Variants in FRAS1 observed in about 807,000 individuals in gnomAD.
FRAS1 encodes the protein extracellular matrix organizing protein FRAS1.
In FRAS1, 290 loss-of-function variants were observed where a neutral mutation model predicts 435.2. That is an observed-to-expected ratio of 0.67 (90% CI 0.61 to 0.73). FRAS1 has a LOEUF of 0.73. Among genes scored for constraint, FRAS1 ranks in the 30% least tolerant of loss-of-function variants. FRAS1 has a pLI of 0.00. For synonymous variants in FRAS1, 1,800 were observed against 1,851.0 expected, an observed-to-expected ratio of 0.97 and a Z score of 0.71; for missense variants, 4,860 against 5,001.5, an observed-to-expected ratio of 0.97 and a Z score of 0.85.
At chr4:78,336,742 G>A (rs1716890947) in intron 19 of FRAS1, among the ~76,000 whole-genome samples, 1 of 152,050 alleles carries the variant, frequency 6.6e-6, no homozygotes, top group South Asian at 2.1e-4. Flanking sequence ...CCAGCCACGT[G>A]CCAGGAGGGA....
chr4:78,141,166 G>A (rs1360875887), intron 2 of FRAS1, among the ~76,000 whole-genome samples: 1 of 152,150 alleles, frequency 6.6e-6, no homozygotes, highest in East Asian at 1.9e-4. Context: ...ATCTACATTA[G>A]GTATTTCTCC....
rs374045395 is a variant in FRAS1, at chr4:78,278,663, A to G, written c.990A>G (p.Glu330=). Residue 330 remains glutamate, a synonymous_variant, in exon 10 of 74, where the codon GAA becomes GAG. Coordinates refer to ENST00000512123, the MANE Select transcript of FRAS1 (RefSeq NM_025074.7). ...CAKVECARDE[E]LIHLDGKCCP... ...AACCCTTATTTCTACAGGATGAAGA[A>G]TTAATTCACTTAGATGGAAAGTGTT... The G allele has an allele frequency of 3.2e-4, 512 of 1,587,944 alleles. No individual in the cohort carries two copies. Among genetic ancestry groups the G allele is most frequent in the Non-Finnish European group, 4.3e-4 (496 of 1,156,368 alleles).
At chr4:78,476,169 G>A (rs985484930) in intron 54 of FRAS1, among the ~76,000 whole-genome samples, 4 of 152,184 alleles carry the variant, frequency 2.6e-5, no homozygotes, top group Non-Finnish European at 5.9e-5. Flanking sequence ...AAGAGGAGCC[G>A]GTTGGGCAAG....
At position 78,475,514 on chromosome 4, in the gene FRAS1, G is replaced by A. The variant is rs373757948; in HGVS notation, c.7759G>A (p.Val2587Ile). 1.6e-5 allele frequency: 26 copies of A among 1,613,776 alleles called. No homozygotes were observed. Among genetic ancestry groups the A allele is most frequent in the East Asian group, 1.1e-4 (5 of 44,876 alleles). The change falls in exon 54 of 74, where the codon GTC becomes ATC. Residue 2587 changes from valine (V) to isoleucine (I), a missense_variant. Transcript: ENST00000512123. ...RTGNLNQYAI[V>I]LCRTEQGTAS... ...TGGGAACCTGAACCAATATGCCATC[G>A]TCCTGTGTCGCACCGAGCAAGGCAC... is the stretch of plus-strand genomic sequence containing the variant.
At chr4:78,469,498 A>T (rs1198487895) in intron 50 of FRAS1, among the ~76,000 whole-genome samples, 1 of 152,226 alleles carries the variant, frequency 6.6e-6, no homozygotes, top group African/African-American at 2.4e-5. Context: ...AAAAAAGAAA[A>T]TATCTTCCCA....
chr4:78,402,970 T>A (rs954432762), intron 30 of FRAS1, among the ~76,000 whole-genome samples: 1 of 152,174 alleles, frequency 6.6e-6, no homozygotes, highest in Non-Finnish European at 1.5e-5. Flanking sequence ...CACTGCGTCT[T>A]ATGACAGGTG....
intron 41 of FRAS1, among the ~76,000 whole-genome samples, chr4:78,444,610 C>T (rs1718730258): frequency 1.3e-5 from 2 of 152,216 alleles, no homozygotes; most frequent in South Asian, 2.1e-4. Flanking sequence ...TTCTTGGTCT[C>T]CTCTCTCTAG....
chr4:78,383,596 C>T (rs1227092918), intron 27 of FRAS1, among the ~76,000 whole-genome samples: 1 of 152,092 alleles, frequency 6.6e-6, no homozygotes, highest in Non-Finnish European at 1.5e-5. Flanking sequence ...GTAATACAGA[C>T]ATTGCAAATG....
In FRAS1 at chr4:78,490,066, A is replaced by G. The variant is rs777045324; in HGVS notation, c.8958+986A>G. 3.3e-5 allele frequency among the ~76,000 whole-genome samples: 5 copies of G among 152,102 alleles called. 1 individual carries two copies. In the South Asian group the frequency reaches 8.3e-4, roughly 25 times the overall value. ...AAGATCAGAGAAGACAAAGAAGGGT[A>G]TATTACATAATGGTAAAGGGATCAA... is the stretch of plus-strand genomic sequence containing the variant. On this transcript the variant is annotated intron_variant, in intron 59 of 73. Coordinates refer to ENST00000512123, the MANE Select transcript of FRAS1 (RefSeq NM_025074.7).
chr4:78,303,501 T>A (rs1403910847), intron 14 of FRAS1, among the ~76,000 whole-genome samples: 1 of 152,224 alleles, frequency 6.6e-6, no homozygotes, highest in Non-Finnish European at 1.5e-5. Context: ...CATGGAATGT[T>A]CTTCCATTTG....
chr4:78,175,958 T>C (rs1721761678), intron 2 of FRAS1, among the ~76,000 whole-genome samples: 1 of 152,174 alleles, frequency 6.6e-6, no homozygotes, highest in African/African-American at 2.4e-5. Context: ...AGACACTAGG[T>C]TGCCGTCTCT....
intron 2 of FRAS1, among the ~76,000 whole-genome samples, chr4:78,231,588 A>G (rs1038005581): frequency 2.0e-5 from 3 of 152,148 alleles, no homozygotes; most frequent in African/African-American, 7.2e-5. Context: ...TGAATTAATC[A>G]ATAATTAAAG....
chr4:78,081,982 T>C (rs1740918287), intron 2 of FRAS1, among the ~76,000 whole-genome samples: 3 of 152,184 alleles, frequency 2.0e-5, no homozygotes. Flanking sequence ...TTTTCCCGCA[T>C]CTTACTCATA....
chr4:78,260,411 T>C (rs1719792817), intron 6 of FRAS1, among the ~76,000 whole-genome samples: 1 of 152,204 alleles, frequency 6.6e-6, no homozygotes, highest in South Asian at 2.1e-4. Context: ...CTTGAAGAGG[T>C]CCTTCATATC....
At chr4:78,084,894 A>T (rs2109883141) in intron 2 of FRAS1, among the ~76,000 whole-genome samples, 1 of 152,252 alleles carries the variant, frequency 6.6e-6, no homozygotes, top group Middle Eastern at 3.4e-3. Flanking sequence ...GCATGAGTTT[A>T]TGCCTATGCT....
rs111325549 is a variant in FRAS1, at chr4:78,381,742, C to A, written c.3563+1746C>A. ...TGTCTATTTAACATCTTTAACCTCT[C>A]ATCACCTGTTTTTTTGTGGAATCAT... On this transcript the variant is annotated intron_variant, in intron 27 of 73. Transcript: ENST00000512123. Among the ~76,000 whole-genome samples, 110 of 152,304 alleles carry A rather than the reference C, an allele frequency of 7.2e-4. 1 individual carries two copies. In the Middle Eastern group the frequency reaches 0.027, roughly 38 times the overall value.
At chr4:78,489,245 A>G (rs1446906331) in intron 59 of FRAS1, among the ~76,000 whole-genome samples, 165 bp downstream of exon 59, 1 of 152,182 alleles carries the variant, frequency 6.6e-6, no homozygotes, top group Non-Finnish European at 1.5e-5. Context: ...CACAGTTGAA[A>G]ATTTGTGTAT....
chr4:78,482,291 C>T (rs757025752), intron 57 of FRAS1, 97 bp from the exon 58 acceptor site: 5 of 1,386,290 alleles, frequency 3.6e-6, no homozygotes, highest in Non-Finnish European at 5.0e-6. Flanking sequence ...ACTTTAAAAC[C>T]ACCAAAGACA....
At chr4:78,191,956 G>C (rs1482354484) in intron 2 of FRAS1, among the ~76,000 whole-genome samples, 1 of 152,096 alleles carries the variant, frequency 6.6e-6, no homozygotes, top group Non-Finnish European at 1.5e-5. Context: ...GGACATTTGG[G>C]TTGGTTCCAT....
Sources: allele counts gnomAD v4.1 joint callset (sites outside exome capture counted in the v4.1 genomes callset), GRCh38; gene constraint gnomAD v4.1.1; transcripts MANE v1.5; gene names NCBI Gene and HGNC (gene_info 2026-07-23, HGNC 2026-07-21).